The following DNAH11 variants were observed in gnomAD, a reference collection of about 807,000 sequenced individuals.
The protein encoded by DNAH11 is axonemal beta dynein heavy chain 11.
In DNAH11, 442 loss-of-function variants were observed where a neutral mutation model predicts 526.0. That is an observed-to-expected ratio of 0.84 (90% CI 0.78 to 0.91). The LOEUF (loss-of-function observed/expected upper bound fraction) is 0.91, where lower values mean the gene tolerates loss of function less well. Ranked by LOEUF, DNAH11 falls within the 40% of genes least tolerant of loss-of-function variation. DNAH11 has a pLI of 0.00. For missense variants in DNAH11, 6,989 were observed against 5,448.7 expected, an observed-to-expected ratio of 1.28 and a Z score of -8.90; for synonymous variants, 2,461 against 1,935.9, an observed-to-expected ratio of 1.27 and a Z score of -7.12.
At chr7:21,900,856 T>TCAGTCCGGCCAGCTCAG (rs1456996270) in intron 81 of DNAH11, 151 bp from the exon 82 acceptor site, 2 of 1,310,646 alleles carry the variant, frequency 1.5e-6, no homozygotes, top group African/African-American at 3.0e-5. Flanking sequence ...CTTTCAAAGC[T>TCAGTCCGGCCAGCTCAG]CAGTCCGGCC....
intron 61 of DNAH11, among the ~76,000 whole-genome samples, chr7:21,798,344 C>T (rs1421638251): frequency 6.6e-6 from 1 of 152,214 alleles, no homozygotes; most frequent in Non-Finnish European, 1.5e-5. Context: ...GATCCACCTG[C>T]CTCGGCCTCC....
intron 35 of DNAH11, among the ~76,000 whole-genome samples, chr7:21,694,427 C>T (rs1230512259): frequency 6.6e-6 from 1 of 152,118 alleles, no homozygotes; most frequent in Non-Finnish European, 1.5e-5. Flanking sequence ...TCAACTGCCA[C>T]TTATGAGTGA....
chr7:21,843,038 T>C (rs184047793), intron 66 of DNAH11, among the ~76,000 whole-genome samples: 133 of 152,334 alleles, frequency 8.7e-4, no homozygotes, highest in Non-Finnish European at 1.6e-3. Flanking sequence ...CCAGGTATGT[T>C]GGAATGTAAT....
chr7:21,729,717 C>CGT (rs757083343), intron 45 of DNAH11, among the ~76,000 whole-genome samples: 2 of 151,700 alleles, frequency 1.3e-5, no homozygotes, highest in African/African-American at 4.8e-5. Flanking sequence ...GAGGTCTCAC[C>CGT]AGAACCATCT....
chr7:21,892,235 A>G (rs923925160), intron 76 of DNAH11, among the ~76,000 whole-genome samples, 190 bp from the exon 77 acceptor site: 1 of 152,156 alleles, frequency 6.6e-6, no homozygotes. Context: ...GTTCCTTGGG[A>G]TCTTCCGCAG....
chr7:21,814,693 T>G (rs1202593595), intron 63 of DNAH11, among the ~76,000 whole-genome samples: 2 of 152,054 alleles, frequency 1.3e-5, no homozygotes, highest in Non-Finnish European at 2.9e-5. Flanking sequence ...TGTCACTAGG[T>G]GATAGGAATT....
rs554395642 is a variant in DNAH11 at position 21,630,499 on chromosome 7, C to T, written c.4501-5372C>T. 3.3e-5 allele frequency among the ~76,000 whole-genome samples: 5 copies of T among 152,122 alleles called. No individual in the cohort carries two copies. The East Asian group carries it at 9.7e-4, about 29-fold the overall frequency. On this transcript the variant is annotated intron_variant, in intron 25 of 81. Coordinates refer to ENST00000409508, the MANE Select transcript of DNAH11 (RefSeq NM_001277115.2). ...CTTTAGCATTTTTTGTAAAACTATT[C>T]TGGTGGTGGCGAATTAGCTCAGCTT... is the stretch of plus-strand genomic sequence containing the variant.
intron 65 of DNAH11, among the ~76,000 whole-genome samples, chr7:21,825,841 C>A (rs971582108): frequency 1.3e-4 from 20 of 151,982 alleles, no homozygotes; most frequent in African/African-American, 4.8e-4. Context: ...TGCCTGTAGT[C>A]CCAGCTACTC....
chr7:21,550,295 A>G (rs1448696002), intron 2 of DNAH11, among the ~76,000 whole-genome samples: 1 of 152,096 alleles, frequency 6.6e-6, no homozygotes, highest in Non-Finnish European at 1.5e-5. Flanking sequence ...CTCAGCACCA[A>G]GTTGCCAGGC....
intron 74 of DNAH11, among the ~76,000 whole-genome samples, chr7:21,876,608 A>C (rs1162792865): frequency 2.6e-5 from 4 of 152,248 alleles, no homozygotes; most frequent in Non-Finnish European, 4.4e-5. Flanking sequence ...GTCCATTCAG[A>C]AGTCATGTGT....
rs766762987 is a variant in DNAH11, at chr7:21,741,826, T to C, written c.7915-101T>C. 41 of 1,338,244 alleles carry C rather than the reference T, an allele frequency of 3.1e-5. 1 individual carries two copies. The highest frequency in any genetic ancestry group is 4.4e-5 in the African/African-American group (3 of 68,650). The allele number at this position is 1,338,244 out of a possible 1,614,324, so 82.9% of individuals were successfully genotyped here. A position where few individuals can be genotyped will look rare whatever the true frequency, so the allele number is the denominator to read the frequency against. ...AGTGGAGCACTAAAAAGCTACATGGTAATGGGCCTGGATACAGGGAGGAGT... is the reference window on the plus strand; with the variant it reads ...AGTGGAGCACTAAAAAGCTACATGGCAATGGGCCTGGATACAGGGAGGAGT... On this transcript the variant is annotated intron_variant, in intron 48 of 81. Coordinates refer to ENST00000409508, the MANE Select transcript of DNAH11 (RefSeq NM_001277115.2).
Position 21,658,858 on chromosome 7 carries a change from A to G in DNAH11, c.5155A>G (p.Thr1719Ala), listed in dbSNP as rs369965539. The G allele has an allele frequency of 2.6e-5, 41 of 1,606,398 alleles. No individual in the cohort carries two copies. Among genetic ancestry groups the G allele is most frequent in the East Asian group, 1.6e-4 (7 of 44,554 alleles). ...GCAAGAAACGGTGCGTCATTCTATA[A>G]CAGAAGCCATAGTGGCCTACGAGGA... ...TMQETVRHSI[T>A]EAIVAYEEKP... The change falls in exon 30 of 82, where the codon ACA becomes GCA. Residue 1719 changes from threonine to alanine, a missense_variant. By Grantham distance (58) the Thr-to-Ala change is moderately conservative. Transcript: ENST00000409508.
chr7:21,722,560 C>T (rs1784920181), intron 44 of DNAH11, among the ~76,000 whole-genome samples: 1 of 152,104 alleles, frequency 6.6e-6, no homozygotes, highest in African/African-American at 2.4e-5. Context: ...GTTACCATAA[C>T]TCATGCCTAT....
At chr7:21,873,037 C>T (rs1173827496) in intron 73 of DNAH11, among the ~76,000 whole-genome samples, 1 of 150,692 alleles carries the variant, frequency 6.6e-6, no homozygotes, top group East Asian at 1.9e-4. Flanking sequence ...ATTACAAAGA[C>T]AGTCTGTGTT....
intron 65 of DNAH11, among the ~76,000 whole-genome samples, chr7:21,828,216 T>C (rs1296394362): frequency 6.6e-6 from 1 of 152,206 alleles, no homozygotes; most frequent in Non-Finnish European, 1.5e-5. Context: ...CCCAAAGTGC[T>C]GGGATTGCAG....
intron 61 of DNAH11, among the ~76,000 whole-genome samples, chr7:21,800,683 GTAAT>G (rs1788947813): frequency 6.6e-6 from 1 of 152,168 alleles, no homozygotes; most frequent in African/African-American, 2.4e-5. Context: ...AAAGGGCTCA[GTAAT>G]TAACACCCCT....
rs758449343 is a variant in DNAH11, at chr7:21,744,517, T to A, written c.8234T>A (p.Val2745Asp). ...IHLWLHESARVYGDKLIDKKD... is the reference protein window; with the variant it reads ...IHLWLHESARDYGDKLIDKKD... ...CTGTGGCTTCATGAATCTGCCCGTGTTTATGGAGACAAACTGATAGACAAA... is the reference window on the plus strand; with the variant it reads ...CTGTGGCTTCATGAATCTGCCCGTGATTATGGAGACAAACTGATAGACAAA... The change falls in exon 50 of 82, where the codon GTT becomes GAT. Residue 2745 changes from valine to aspartate, a missense_variant. Coordinates refer to ENST00000409508, the MANE Select transcript of DNAH11 (RefSeq NM_001277115.2). The A allele has an allele frequency of 6.8e-6, 11 of 1,613,926 alleles. No homozygotes were observed. Among genetic ancestry groups the A allele is most frequent in the Non-Finnish European group, 9.3e-6 (11 of 1,179,836 alleles).
At position 21,747,922 on chromosome 7, in the gene DNAH11, C is replaced by T. The variant is rs74554392; in HGVS notation, c.8511-658C>T. ...CATACTTGGGTGCTGATGTGGAATT[C>T]GGATCTTTCTTGCTAATCAAAATAT... is the stretch of plus-strand genomic sequence containing the variant. On this transcript the variant is annotated intron_variant, in intron 51 of 81. Coordinates refer to ENST00000409508, the MANE Select transcript of DNAH11 (RefSeq NM_001277115.2). Among the ~76,000 whole-genome samples, 1,492 of 152,330 alleles carry T rather than the reference C, an allele frequency of 9.8e-3. 29 individuals are homozygous for T. Among genetic ancestry groups the T allele is most frequent in the African/African-American group, 0.033 (1,390 of 41,574 alleles).
chr7:21,582,622 A>G (rs1224722498), intron 9 of DNAH11, among the ~76,000 whole-genome samples: 1 of 152,200 alleles, frequency 6.6e-6, no homozygotes, highest in Admixed American at 6.5e-5. Context: ...AGAGTTATAT[A>G]AAAGAAAAGC....
Sources: allele counts gnomAD v4.1 joint callset (sites outside exome capture counted in the v4.1 genomes callset), GRCh38; gene constraint gnomAD v4.1.1; transcripts MANE v1.5; gene names NCBI Gene and HGNC (gene_info 2026-07-23, HGNC 2026-07-21).